SF1: variants seen among roughly 807,000 people sequenced by gnomAD.
SF1 encodes the protein branch point-binding protein.
Under a neutral mutation model 62.5 loss-of-function variants are expected in SF1, and 7 were observed. That is an observed-to-expected ratio of 0.11 (90% CI 0.06 to 0.21). SF1 has a LOEUF of 0.21. Ranked by LOEUF, SF1 falls within the 10% of genes least tolerant of loss-of-function variation. The pLI is 1.00. For synonymous variants in SF1, 394 were observed against 323.6 expected (o/e 1.22, Z -2.33); for missense variants, 578 against 884.0 (o/e 0.65, Z 4.39).
intron 2 of SF1, among the ~76,000 whole-genome samples, chr11:64,774,525 G>A (rs1397351111): frequency 6.6e-6 from 1 of 152,204 alleles, no homozygotes; most frequent in Non-Finnish European, 1.5e-5. Flanking sequence ...AATGTTACTA[G>A]GTTGGGTTAA....
chr11:64,778,324 C>T (rs1486668881), intron 1 of SF1, 38 bp downstream of exon 1: 1 of 1,223,884 alleles, frequency 8.2e-7, no homozygotes, highest in Non-Finnish European at 1.0e-6. Flanking sequence ...CTCCTTTGGG[C>T]CCGGGGAGCG....
chr11:64,772,711 T>A, intron 3 of SF1: 4 of 985,076 alleles, frequency 4.1e-6, no homozygotes, highest in Non-Finnish European at 4.8e-6. Flanking sequence ...AAAAAGTTCA[T>A]CTCCCCCACA....
chr11:64,767,602 G>A lies in SF1; in HGVS notation c.1311C>T (p.His437=). ...PPPPPMNQGP[H]PPGHHGPPPM... is the part of the protein sequence containing the mutation. Reference sequence around the variant, plus strand: ...GAGGAGGGCCATGGTGCCCAGGAGGGTGGGGGCCCTGGTTCATCGGTGGTG... The same window carrying A: ...GAGGAGGGCCATGGTGCCCAGGAGGATGGGGGCCCTGGTTCATCGGTGGTG... The change falls in exon 10 of 13, where the codon CAC becomes CAT. Residue 437 remains histidine (H), a synonymous_variant. Coordinates refer to ENST00000377390, the MANE Select transcript of SF1 (RefSeq NM_004630.4). The A allele has an allele frequency of 6.3e-7, 1 of 1,581,036 alleles. No homozygotes were observed. Among genetic ancestry groups the A allele is most frequent in the Middle Eastern group, 1.7e-4 (1 of 5,832 alleles).
intron 1 of SF1, chr11:64,777,776 T>TA: frequency 1.0e-6 from 1 of 960,720 alleles, no homozygotes; most frequent in Non-Finnish European, 1.2e-6. Flanking sequence ...ACAGAGCGCC[T>TA]CCCGCCCGCC....
At chr11:64,775,821 A>T (rs753656867) in intron 2 of SF1, among the ~76,000 whole-genome samples, 1 of 152,188 alleles carries the variant, frequency 6.6e-6, no homozygotes, top group Non-Finnish European at 1.5e-5. Context: ...CCTCCCAGCA[A>T]ATAAAACCTT....
At chr11:64,766,736 G>C (rs2058700529) in intron 12 of SF1, 164 bp downstream of exon 12, 1 of 507,444 alleles carries the variant, frequency 2.0e-6, no homozygotes, top group Non-Finnish European at 3.4e-6. Flanking sequence ...TCCTCTTCAA[G>C]ATGCCCCTCC....
rs1409972382 is a variant in SF1, at chr11:64,767,021, C to T, written c.1461G>A (p.Gly487=). 2 of 1,546,214 alleles carry T rather than the reference C, an allele frequency of 1.3e-6. No homozygotes were observed. Among genetic ancestry groups the T allele is most frequent in the South Asian group, 2.5e-5 (2 of 80,174 alleles). The change falls in exon 12 of 13, where the codon GGG becomes GGA. Residue 487 remains glycine (G), a synonymous_variant. Coordinates refer to ENST00000377390, the MANE Select transcript of SF1 (RefSeq NM_004630.4). Reference sequence around the variant, plus strand: ...GACCAGAGGGAGGGGGTGGGGGCTGCCCACTGGGAGGCGGCGGCGGCGGCG... The same window carrying T: ...GACCAGAGGGAGGGGGTGGGGGCTGTCCACTGGGAGGCGGCGGCGGCGGCG... ...MMPPPPPPPS[G]QPPPPPSGPL...
Position 64,765,653 on chromosome 11 carries a change from A to C in SF1, c.*165T>G, listed in dbSNP as rs1592435480. On this transcript the variant is annotated 3_prime_UTR_variant, in exon 13 of 13. Coordinates refer to ENST00000377390, the MANE Select transcript of SF1 (RefSeq NM_004630.4). ...ACTACCACCTGCCCGTTCCCAAGCG[A>C]ATCCTCAGTCGCTTGGCCCAGCCCA... 3 of 1,488,948 alleles carry C rather than the reference A, an allele frequency of 2.0e-6. No individual in the cohort carries two copies. In the African/African-American group the frequency reaches 4.2e-5, roughly 21 times the overall value. The allele number at this position is 1,488,948 out of a possible 1,614,324, so 92.2% of individuals were successfully genotyped here.
rs755666611 is a variant in SF1, at chr11:64,766,045, T to C, written c.1693A>G (p.Thr565Ala). ...ACCCCGGGGGGCAGGGGCACCATAG[T>C]GGGGTTGCCTTGCATCTGAGGGGCT... ...PGAPQMQGNP[T>A]MVPLPPGVQP... Residue 565 changes from threonine to alanine, a missense_variant, in exon 13 of 13, where the codon ACT becomes GCT. This residue lies in a region of SF1 where 410 missense variants were observed against 452.4 expected (regional missense o/e 0.91). Coordinates refer to ENST00000377390, the MANE Select transcript of SF1 (RefSeq NM_004630.4). 1.2e-6 allele frequency: 2 copies of C among 1,610,784 alleles called. No homozygotes were observed. The highest frequency in any genetic ancestry group is 2.2e-5 in the East Asian group (1 of 44,814).
At chr11:64,770,935 C>T (rs1280964237) in intron 3 of SF1, among the ~76,000 whole-genome samples, 1 of 152,180 alleles carries the variant, frequency 6.6e-6, no homozygotes, top group Non-Finnish European at 1.5e-5. Context: ...AGCTACTTGG[C>T]CCCCACAATG....
rs1314054314 is a variant in SF1 at position 64,768,034 on chromosome 11, G to T, written c.1068+72C>A. On this transcript the variant is annotated intron_variant, in intron 9 of 12. Coordinates refer to ENST00000377390, the MANE Select transcript of SF1 (RefSeq NM_004630.4). ...CCATTGTCTGCTCTACCCAAACCAC[G>T]TGGCCATAGCTCCCAGTCTCTGCAG... 2.6e-6 allele frequency: 4 copies of T among 1,519,186 alleles called. No homozygotes were observed. The Admixed American group carries it at 8.5e-5, about 32-fold the overall frequency. 94.1% of individuals were successfully genotyped at this position (1,519,186 alleles called of 1,614,324 possible).
At chr11:64,770,582 T>A (rs1422248740) in intron 3 of SF1, 174 bp from the exon 4 acceptor site, 1 of 663,638 alleles carries the variant, frequency 1.5e-6, no homozygotes, top group Non-Finnish European at 2.5e-6. Context: ...AGATGGAAGC[T>A]GGCTTAACGT....
At chr11:64,778,109 G>A in intron 1 of SF1, 4 of 877,674 alleles carry the variant, frequency 4.6e-6, no homozygotes, top group Non-Finnish European at 5.6e-6. Flanking sequence ...CGGCGGGTAC[G>A]AGGCGCCGGG....
chr11:64,772,686 T>G (rs746921166), intron 3 of SF1: 16 of 985,324 alleles, frequency 1.6e-5, no homozygotes, highest in Non-Finnish European at 1.9e-5. Context: ...AATCAGCTAA[T>G]AAAATTCCAG....
intron 2 of SF1, among the ~76,000 whole-genome samples, chr11:64,773,816 C>T (rs1488840421): frequency 6.6e-6 from 1 of 152,144 alleles, no homozygotes; most frequent in Non-Finnish European, 1.5e-5. Context: ...TTCACCTCTT[C>T]CTCCCCACCA....
At chr11:64,766,467 C>G in intron 12 of SF1, 1 of 481,534 alleles carries the variant, frequency 2.1e-6, no homozygotes, top group Non-Finnish European at 3.7e-6. Context: ...CACCACCGAA[C>G]GGCACATTCA....
chr11:64,777,625 G>A, intron 1 of SF1: 2 of 985,558 alleles, frequency 2.0e-6, no homozygotes, highest in Non-Finnish European at 2.4e-6. Flanking sequence ...TTCACGCCCT[G>A]CTGGCATTCA....
At chr11:64,778,228 C>G in intron 1 of SF1, 134 bp downstream of exon 1, 3 of 1,184,270 alleles carry the variant, frequency 2.5e-6, no homozygotes, top group Non-Finnish European at 3.1e-6. Flanking sequence ...GGGCCCCCAT[C>G]GAGCCCACGG....
rs1404564622 is a variant in SF1 at position 64,778,401 on chromosome 11, C to T, written c.-9G>A. On this transcript the variant is annotated 5_prime_UTR_variant, in exon 1 of 13. Transcript: ENST00000377390. The stretch of plus-strand genomic sequence containing the variant: ...TTCGCTCCGGTCGCCATGGCGCCCC[C>T]GGGGACAGGCACCGGCACCTGCTTT... 2.0e-5 allele frequency: 25 copies of T among 1,227,740 alleles called. No homozygotes were observed. Among genetic ancestry groups the T allele is most frequent in the Non-Finnish European group, 2.4e-5 (24 of 984,314 alleles). 76.1% of individuals were successfully genotyped at this position (1,227,740 alleles called of 1,614,324 possible).
Sources: allele counts gnomAD v4.1 joint callset (sites outside exome capture counted in the v4.1 genomes callset), GRCh38; gene constraint gnomAD v4.1.1; regional missense constraint gnomAD v4.1.1; transcripts MANE v1.5; gene names NCBI Gene and HGNC (gene_info 2026-07-23, HGNC 2026-07-21).